The following NRDC variants were observed in gnomAD, a reference collection of about 807,000 sequenced individuals.
The protein encoded by NRDC is nardilysin.
Under a neutral mutation model 147.1 loss-of-function variants are expected in NRDC, and 54 were observed. The ratio of observed to expected loss-of-function variants is 0.37; its 90% CI spans 0.29 to 0.46. The LOEUF (loss-of-function observed/expected upper bound fraction) is 0.46. NRDC is among the 20% of genes least tolerant of loss of function. The probability of loss-of-function intolerance (pLI) is 1.00; values close to 1 mark genes in which losing one functional copy is unlikely to be tolerated. For synonymous variants in NRDC, 440 were observed against 482.1 expected, an observed-to-expected ratio of 0.91 and a Z score of 1.14; for missense variants, 1,082 against 1,370.6, an observed-to-expected ratio of 0.79 and a Z score of 3.33.
Position 51,834,158 on chromosome 1 carries a change from C to A in NRDC, c.725G>T (p.Gly242Val). The A allele has an allele frequency of 6.2e-7, 1 of 1,613,806 alleles. No individual in the cohort carries two copies. Among genetic ancestry groups the A allele is most frequent in the East Asian group, 2.2e-5 (1 of 44,860 alleles). Residue 242 changes from glycine to valine, a missense_variant, in exon 4 of 31, where the codon GGT becomes GTT. By Grantham distance (109) the Gly-to-Val change is moderately radical. This residue lies in a region of NRDC where 635 missense variants were observed against 923.8 expected (regional missense o/e 0.69). Transcript: ENST00000352171. The part of the protein sequence containing the change: ...AHFLEHMVFM[G>V]SLKYPDENGF... ...ATTCTCATCTGGATATTTCAAACTA[C>A]CCATGAATACCACTAAATGGAAAGA...
chr1:51,852,441 CTATA>C (rs993494921), intron 1 of NRDC, among the ~76,000 whole-genome samples: 4 of 53,292 alleles, frequency 7.5e-5, no homozygotes, highest in Non-Finnish European at 1.6e-4. Flanking sequence ...GTATATATAA[CTATA>C]TATATAAAAT....
rs138879107 is a variant in NRDC, at chr1:51,818,784, G to C, written c.1292-649C>G. Among the ~76,000 whole-genome samples the C allele has an allele frequency of 7.3e-3, 1,106 of 150,610 alleles. 14 individuals carry two copies. The highest frequency in any genetic ancestry group is 0.026 in the African/African-American group (1,060 of 41,140). ...ATACCTAAGGCAATTAGTAAAAACA[G>C]AAAAAAAAATCTGCCGTGATAGAAT... On this transcript the variant is annotated intron_variant, in intron 9 of 30. Transcript: ENST00000352171.
At chr1:51,841,209 T>C (rs1170993563) in intron 1 of NRDC, among the ~76,000 whole-genome samples, 1 of 152,104 alleles carries the variant, frequency 6.6e-6, no homozygotes, top group Non-Finnish European at 1.5e-5. Context: ...ATTACAGGCA[T>C]GTGCCACCAT....
chr1:51,875,449 C>T (rs948670652), intron 1 of NRDC, among the ~76,000 whole-genome samples: 1 of 152,226 alleles, frequency 6.6e-6, no homozygotes, highest in Non-Finnish European at 1.5e-5. Context: ...GCATTATCTA[C>T]TCTTTGAAGT....
At chr1:51,816,987 C>T (rs773447499) in intron 10 of NRDC, among the ~76,000 whole-genome samples, 28 of 151,940 alleles carry the variant, frequency 1.8e-4, no homozygotes, top group Non-Finnish European at 3.7e-4. Context: ...TGTAATAGTC[C>T]GAGTAATTGT....
chr1:51,792,893 A>T (rs898129999), intron 24 of NRDC, among the ~76,000 whole-genome samples: 6 of 152,240 alleles, frequency 3.9e-5, no homozygotes, highest in Admixed American at 6.5e-5. Flanking sequence ...TACTTCAGAG[A>T]AAGAAGCCAC....
intron 29 of NRDC, chr1:51,789,865 G>C: frequency 1.7e-6 from 1 of 575,066 alleles, no homozygotes; most frequent in Middle Eastern, 4.7e-4. Context: ...ATCTACAATG[G>C]CAAGAGAGGT....
intron 18 of NRDC, among the ~76,000 whole-genome samples, chr1:51,806,349 C>T (rs142230483): frequency 2.6e-5 from 4 of 152,252 alleles, no homozygotes; most frequent in African/African-American, 9.6e-5. Context: ...TCAAATCACA[C>T]GAGTTCCTTA....
At chr1:51,802,668 C>T (rs1188342971) in intron 20 of NRDC, among the ~76,000 whole-genome samples, 1 of 152,110 alleles carries the variant, frequency 6.6e-6, no homozygotes, top group Non-Finnish European at 1.5e-5. Flanking sequence ...ATGGCGTCTC[C>T]TTCTGAGACC....
intron 16 of NRDC, 141 bp downstream of exon 16, chr1:51,810,140 T>A (rs1453462444): frequency 1.9e-6 from 1 of 514,544 alleles, no homozygotes; most frequent in Non-Finnish European, 3.2e-6. Context: ...TGTGCAGTAG[T>A]ATAAGTAATT....
intron 1 of NRDC, chr1:51,877,982 C>A: frequency 7.9e-7 from 1 of 1,261,950 alleles, no homozygotes; most frequent in Non-Finnish European, 1.0e-6. Context: ...GACTCCCTCA[C>A]CATTCAGGCT....
chr1:51,873,479 T>TTTA (rs1553222126), intron 1 of NRDC, among the ~76,000 whole-genome samples: 200 of 141,874 alleles, frequency 1.4e-3, no homozygotes, highest in East Asian at 7.3e-3. Flanking sequence ...TATATGGAAT[T>TTTA]TTTATTTATT....
chr1:51,814,812 A>G lies in NRDC; in HGVS notation c.1441T>C (p.Cys481Arg). 6.3e-7 allele frequency: 1 copy of G among 1,578,300 alleles called. No individual in the cohort carries two copies. Among genetic ancestry groups the G allele is most frequent in the Non-Finnish European group, 8.6e-7 (1 of 1,167,404 alleles). ...GSILSFLRKK[C>R]WALALFGGNG... ...CCACCAAACAGTGCAAGAGCCCAGC[A>G]TCTACAGGTGGGGAAAAAATTAACC... is the stretch of plus-strand genomic sequence containing the variant. The change falls in exon 12 of 31, where the codon TGC (cysteine) becomes CGC (arginine). Residue 481 changes from cysteine (C) to arginine (R), a missense_variant and splice_region_variant. Cys to Arg is a radical substitution (Grantham distance 180). Coordinates refer to ENST00000352171, the MANE Select transcript of NRDC (RefSeq NM_001101662.2).
intron 1 of NRDC, among the ~76,000 whole-genome samples, chr1:51,870,791 A>T (rs1683046095): frequency 6.6e-6 from 1 of 151,528 alleles, no homozygotes; most frequent in African/African-American, 2.4e-5. Flanking sequence ...ATTAATAATT[A>T]GTAATTAATA....
intron 1 of NRDC, among the ~76,000 whole-genome samples, chr1:51,865,431 A>T (rs1682759894): frequency 6.6e-6 from 1 of 151,646 alleles, no homozygotes; most frequent in African/African-American, 2.4e-5. Flanking sequence ...CAGCCTCCCG[A>T]GTAGCCAGGA....
chr1:51,812,734 G>A (rs1679784660), intron 14 of NRDC, among the ~76,000 whole-genome samples: 2 of 152,114 alleles, frequency 1.3e-5, no homozygotes, highest in Non-Finnish European at 2.9e-5. Context: ...AATAAAGACA[G>A]GCAACCTATC....
chr1:51,831,252 T>C (rs1680693757), intron 4 of NRDC, among the ~76,000 whole-genome samples: 1 of 152,240 alleles, frequency 6.6e-6, no homozygotes, highest in African/African-American at 2.4e-5. Flanking sequence ...ATCTCTGAGA[T>C]GGCCAGAATG....
At chr1:51,863,122 C>T (rs1025052318) in intron 1 of NRDC, among the ~76,000 whole-genome samples, 1 of 151,402 alleles carries the variant, frequency 6.6e-6, no homozygotes, top group African/African-American at 2.4e-5. Context: ...CAAAATGAGG[C>T]CAGGCATGGT....
In NRDC at chr1:51,826,751, C is replaced by A. The variant is rs369768239; in HGVS notation, c.940+1045G>T. 3.9e-5 allele frequency among the ~76,000 whole-genome samples: 6 copies of A among 152,230 alleles called. No individual in the cohort carries two copies. In the South Asian group the frequency reaches 1.2e-3, roughly 32 times the overall value. On this transcript the variant is annotated intron_variant, in intron 5 of 30. Coordinates refer to ENST00000352171, the MANE Select transcript of NRDC (RefSeq NM_001101662.2). ...GTTCAGCATAAACCAAAACTCCATA[C>A]TGTGTGTGTATATACATATATATTT... is the stretch of plus-strand genomic sequence containing the variant.
Sources: gnomAD v4.1 joint callset for allele counts (sites outside exome capture counted in the v4.1 genomes callset) on GRCh38, gnomAD v4.1.1 for gene constraint, gnomAD v4.1.1 regional missense constraint, MANE v1.5 for transcripts, NCBI Gene and HGNC (gene_info 2026-07-23, HGNC 2026-07-21) for gene names.